MAP4: variants seen among roughly 807,000 people sequenced by gnomAD.
MAP4 encodes microtubule associated protein 4, also known as microtubule-associated protein 4.
A neutral mutation model predicts 170.2 loss-of-function variants in MAP4; 76 were observed. The observed-to-expected ratio is 0.45, with a 90% confidence interval of 0.37 to 0.54. The LOEUF is 0.54. Ranked by LOEUF, MAP4 falls within the 20% of genes least tolerant of loss-of-function variation. The pLI is 0.00. For missense variants in MAP4, 2,506 were observed against 2,748.0 expected, an observed-to-expected ratio of 0.91 and a Z score of 1.97; for synonymous variants, 909 against 994.5, an observed-to-expected ratio of 0.91 and a Z score of 1.62.
At chr3:47,997,322 C>A (rs2100096335) in intron 2 of MAP4, among the ~76,000 whole-genome samples, 3 of 46,426 alleles carry the variant, frequency 6.5e-5, no homozygotes, top group Admixed American at 2.4e-4. Context: ...CATATTTAAA[C>A]TGCTAAAAAA....
At position 47,869,333 on chromosome 3, in the gene MAP4, T is replaced by A. The variant is rs774691291; in HGVS notation, c.6295-6A>T. 8 of 1,599,368 alleles carry A rather than the reference T, an allele frequency of 5.0e-6. No homozygotes were observed. In the South Asian group the frequency reaches 8.8e-5, roughly 18 times the overall value. ...GTTTTTTTCTCTACTTTGGCCTGGA[T>A]GGAGATAAAGGGAGGGCAAATTTCA... is the stretch of plus-strand genomic sequence containing the variant. On this transcript the variant is annotated splice_polypyrimidine_tract_variant and splice_region_variant and intron_variant, in intron 15 of 20. Coordinates refer to ENST00000683076, the MANE Select transcript of MAP4 (RefSeq NM_001385682.1).
chr3:47,872,923 G>C (rs554800634), intron 12 of MAP4, among the ~76,000 whole-genome samples: 13 of 152,320 alleles, frequency 8.5e-5, no homozygotes, highest in Non-Finnish European at 1.0e-4. Flanking sequence ...CACGCACCTA[G>C]AGAATGCTGA....
In MAP4 at chr3:48,069,076, G is replaced by A. The variant is rs548499822; in HGVS notation, c.-20+19697C>T. 2.0e-5 allele frequency among the ~76,000 whole-genome samples: 3 copies of A among 152,268 alleles called. No individual in the cohort carries two copies. The South Asian group carries it at 6.2e-4, about 32-fold the overall frequency. ...TGCTAGAGATTAAAGTTCAAATTCTGACTCAGCTACAACTTAGTAAATGAC... is the reference window on the plus strand; with the variant it reads ...TGCTAGAGATTAAAGTTCAAATTCTAACTCAGCTACAACTTAGTAAATGAC... On this transcript the variant is annotated intron_variant, in intron 1 of 18. Transcript: ENST00000360240.
intron 3 of MAP4, among the ~76,000 whole-genome samples, chr3:47,950,164 T>A (rs901064728): frequency 6.6e-6 from 1 of 152,248 alleles, no homozygotes; most frequent in Non-Finnish European, 1.5e-5. Flanking sequence ...AGGGAGTAGC[T>A]GCTCCTATAG....
chr3:48,075,993 G>C (rs201872433), intron 1 of MAP4, among the ~76,000 whole-genome samples: 2 of 135,356 alleles, frequency 1.5e-5, no homozygotes, highest in African/African-American at 2.7e-5. Flanking sequence ...AAAAAAAAAA[G>C]AAACAAAGAA....
intron 1 of MAP4, among the ~76,000 whole-genome samples, chr3:48,000,084 G>A (rs552406004): frequency 1.3e-5 from 2 of 151,754 alleles, no homozygotes; most frequent in African/African-American, 2.4e-5. Flanking sequence ...GCATGGTGGT[G>A]GACACCTATA....
intron 1 of MAP4, among the ~76,000 whole-genome samples, chr3:48,037,537 A>G (rs2100119332): frequency 6.6e-6 from 1 of 151,966 alleles, no homozygotes; most frequent in South Asian, 2.1e-4. Context: ...TGGAACTCCA[A>G]GCACATGCCA....
chr3:47,887,146 C>G (rs927051213), intron 10 of MAP4, among the ~76,000 whole-genome samples: 1 of 152,244 alleles, frequency 6.6e-6, no homozygotes, highest in Non-Finnish European at 1.5e-5. Context: ...ACTGTGGGAC[C>G]CCCTTTCTGG....
At chr3:47,895,154 C>G (rs931540274) in intron 10 of MAP4, among the ~76,000 whole-genome samples, 2 of 152,162 alleles carry the variant, frequency 1.3e-5, no homozygotes, top group African/African-American at 2.4e-5. Flanking sequence ...AGTCACCCCC[C>G]ACAAACGACA....
upstream of MAP4, among the ~76,000 whole-genome samples, chr3:48,019,137 A>G (rs2100109292): frequency 6.6e-6 from 1 of 152,194 alleles, no homozygotes. Context: ...CAGGAATTCA[A>G]GACTAGCCTG....
chr3:48,008,620 G>A (rs1041424634), intron 1 of MAP4, among the ~76,000 whole-genome samples: 3 of 152,244 alleles, frequency 2.0e-5, no homozygotes, highest in African/African-American at 7.2e-5. Context: ...ACCTCTCTGA[G>A]TGGTCAAAGA....
chr3:47,871,159 G>A (rs2092231524), intron 14 of MAP4, 54 bp from the exon 15 acceptor site: 6 of 1,611,788 alleles, frequency 3.7e-6, no homozygotes, highest in East Asian at 4.5e-5. Context: ...GAGAAAAAGG[G>A]AGACTTAAGC....
At chr3:48,037,905 G>A (rs929622214) in intron 1 of MAP4, among the ~76,000 whole-genome samples, 4 of 151,806 alleles carry the variant, frequency 2.6e-5, no homozygotes, top group African/African-American at 9.7e-5. Flanking sequence ...AGTGGCTCAC[G>A]CCTGTAATCC....
In MAP4 at chr3:47,916,520, A is replaced by G. The variant is rs781760708; in HGVS notation, c.1307T>C (p.Val436Ala). 1.1e-5 allele frequency: 18 copies of G among 1,614,092 alleles called. No individual in the cohort carries two copies. In the South Asian group the frequency reaches 2.0e-4, roughly 18 times the overall value. The change falls in exon 7 of 21, where the codon GTG (valine) becomes GCG (alanine). Residue 436 changes from valine to alanine, a missense_variant. Coordinates refer to ENST00000683076, the MANE Select transcript of MAP4 (RefSeq NM_001385682.1). ...SSTEISSAEK[V>A]ALSSETEVAL... The stretch of plus-strand genomic sequence containing the variant: ...TACCTCTGTTTCTGAGGACAAAGCC[A>G]CCTTCTCAGCAGAGGATATTTCTGT...
At position 47,988,399 on chromosome 3, in the gene MAP4, A is replaced by G. The variant is rs1044836990; in HGVS notation, c.223+10239T>C. Reference sequence around the variant, plus strand: ...GAGTGACAGCATGAACAGTTCACCCATAACAGAAAAAGAGCAGACAATAAG... The same window carrying G: ...GAGTGACAGCATGAACAGTTCACCCGTAACAGAAAAAGAGCAGACAATAAG... On this transcript the variant is annotated intron_variant, in intron 2 of 20. Transcript: ENST00000683076. 2.6e-5 allele frequency among the ~76,000 whole-genome samples: 4 copies of G among 152,166 alleles called. No homozygotes were observed. The South Asian group carries it at 8.3e-4, about 32-fold the overall frequency.
intron 3 of MAP4, among the ~76,000 whole-genome samples, chr3:47,958,953 A>T (rs1199603741): frequency 6.6e-6 from 1 of 152,090 alleles, no homozygotes; most frequent in Non-Finnish European, 1.5e-5. Flanking sequence ...AAGTGCTGAA[A>T]TTACAGGCAT....
chr3:47,884,351 C>G (rs979744319), intron 10 of MAP4, among the ~76,000 whole-genome samples: 1 of 152,008 alleles, frequency 6.6e-6, no homozygotes, highest in Admixed American at 6.6e-5. Flanking sequence ...TATGTAACTT[C>G]TATTTCTTTA....
At chr3:48,022,866 G>A (rs2100111238) in intron 1 of MAP4, among the ~76,000 whole-genome samples, 1 of 151,146 alleles carries the variant, frequency 6.6e-6, no homozygotes, top group Non-Finnish European at 1.5e-5. Context: ...ACTCCAGCCT[G>A]GGCAACAGAG....
In MAP4 at chr3:47,998,677, A is replaced by C. The variant is rs751094297; in HGVS notation, c.184T>G (p.Ser62Ala). ...GTTTCTGAGCACGGTTTCTTCTTTG[A>C]CTCTGAGTTCCCGGTTTTCTCATCA... ...DVDEKTGNSE[S>A]KKKPCSETSQ... Residue 62 changes from serine (S) to alanine (A), a missense_variant, in exon 2 of 21, where the codon TCA becomes GCA. Coordinates refer to ENST00000683076, the MANE Select transcript of MAP4 (RefSeq NM_001385682.1). 9 of 1,613,920 alleles carry C rather than the reference A, an allele frequency of 5.6e-6. No individual in the cohort carries two copies. The highest frequency in any genetic ancestry group is 1.3e-5 in the African/African-American group (1 of 74,876).
Sources: gnomAD v4.1 joint callset for allele counts (sites outside exome capture counted in the v4.1 genomes callset) on GRCh38, gnomAD v4.1.1 for gene constraint, MANE v1.5 for transcripts, NCBI Gene and HGNC (gene_info 2026-07-23, HGNC 2026-07-21) for gene names.